ZYG11A: variants seen among roughly 807,000 people sequenced by gnomAD.
ZYG11A encodes the protein zyg-11 family member A, cell cycle regulator.
ZYG11A carries 62 observed loss-of-function variants against 77.2 expected under a neutral mutation model. The ratio of observed to expected loss-of-function variants is 0.80; its 90% CI spans 0.65 to 0.99. ZYG11A has a LOEUF of 0.99. Ranked by LOEUF, ZYG11A falls within the 50% of genes least tolerant of loss-of-function variation. The probability of loss-of-function intolerance (pLI) is 0.00; values close to 1 mark genes in which losing one functional copy is unlikely to be tolerated. For missense variants in ZYG11A, 828 were observed against 896.8 expected, an observed-to-expected ratio of 0.92 and a Z score of 0.98; for synonymous variants, 315 against 324.6, an observed-to-expected ratio of 0.97 and a Z score of 0.32.
intron 13 of ZYG11A, among the ~76,000 whole-genome samples, chr1:52,889,437 A>AT (rs1368439369): frequency 6.6e-6 from 1 of 151,004 alleles, no homozygotes; most frequent in Non-Finnish European, 1.5e-5. Context: ...TTTCTTTTAA[A>AT]TTAAAAAAAA....
chr1:52,886,233 A>G (rs571631783), intron 12 of ZYG11A, among the ~76,000 whole-genome samples: 66 of 152,060 alleles, frequency 4.3e-4, no homozygotes, highest in Non-Finnish European at 8.2e-4. Flanking sequence ...TGCCTGGCCC[A>G]GTGTTGAGCT....
intron 13 of ZYG11A, among the ~76,000 whole-genome samples, chr1:52,890,886 G>A (rs543760460): frequency 6.6e-6 from 1 of 151,660 alleles, no homozygotes; most frequent in African/African-American, 2.4e-5. Flanking sequence ...TCTTTAACTG[G>A]GTCTAAATCT....
chr1:52,859,396 C>T (rs1257272554), intron 3 of ZYG11A, among the ~76,000 whole-genome samples: 1 of 150,828 alleles, frequency 6.6e-6, no homozygotes, highest in Non-Finnish European at 1.5e-5. Flanking sequence ...AGTGCAGTGA[C>T]ACGATCTCTG....
intron 1 of ZYG11A, 118 bp downstream of exon 1, chr1:52,843,091 G>T: frequency 3.5e-6 from 3 of 866,388 alleles, no homozygotes; most frequent in South Asian, 4.8e-5. Flanking sequence ...GCCCGCGCGG[G>T]GCTGCGGTCT....
intron 1 of ZYG11A, among the ~76,000 whole-genome samples, chr1:52,849,457 C>T (rs57097595): frequency 0.027 from 4,024 of 150,108 alleles, 140 homozygotes; most frequent in East Asian, 0.18. Context: ...TCCTGCCTCC[C>T]GGGCTCAAGG....
intron 10 of ZYG11A, among the ~76,000 whole-genome samples, chr1:52,879,133 A>G (rs1646317928): frequency 6.6e-6 from 1 of 152,152 alleles, no homozygotes; most frequent in Non-Finnish European, 1.5e-5. Context: ...CAATTGAGAA[A>G]TTTCTTCATT....
intron 11 of ZYG11A, among the ~76,000 whole-genome samples, chr1:52,882,131 G>A (rs1002140576): frequency 8.5e-5 from 13 of 152,148 alleles, no homozygotes; most frequent in Non-Finnish European, 1.3e-4. Flanking sequence ...GAGCTTAAGC[G>A]ATCTGCCTAC....
chr1:52,844,164 G>A (rs1469426453), intron 1 of ZYG11A, among the ~76,000 whole-genome samples: 1 of 152,174 alleles, frequency 6.6e-6, no homozygotes, highest in Non-Finnish European at 1.5e-5. Context: ...CCCGCCAAGG[G>A]CCACCCTTGG....
intron 8 of ZYG11A, among the ~76,000 whole-genome samples, chr1:52,873,684 C>A (rs1646209794): frequency 6.6e-6 from 1 of 152,016 alleles, no homozygotes; most frequent in Non-Finnish European, 1.5e-5. Flanking sequence ...GGATTGACTC[C>A]AAATTTGAAA....
At chr1:52,888,080 A>G (rs979975736) in intron 13 of ZYG11A, among the ~76,000 whole-genome samples, 8 of 152,240 alleles carry the variant, frequency 5.3e-5, no homozygotes, top group Admixed American at 3.9e-4. Context: ...AAGGGAAAAT[A>G]TACCACCACT....
At chr1:52,876,139 G>C (rs567160546) in intron 8 of ZYG11A, among the ~76,000 whole-genome samples, 1 of 152,340 alleles carries the variant, frequency 6.6e-6, no homozygotes, top group East Asian at 1.9e-4. Context: ...AGTTTGAGGA[G>C]AGAGAATTAG....
intron 8 of ZYG11A, among the ~76,000 whole-genome samples, chr1:52,874,536 G>GCTA: frequency 6.6e-6 from 1 of 152,110 alleles, no homozygotes; most frequent in East Asian, 1.9e-4. Context: ...ATAGGCGTGA[G>GCTA]CTACTGTGCC....
At chr1:52,848,215 T>A (rs1479661688) in intron 1 of ZYG11A, among the ~76,000 whole-genome samples, 15 of 151,878 alleles carry the variant, frequency 9.9e-5, no homozygotes, top group Non-Finnish European at 1.0e-4. Flanking sequence ...GTTGGCCAGG[T>A]GGGTCTTAAA....
At chr1:52,846,600 C>G (rs911551131) in intron 1 of ZYG11A, among the ~76,000 whole-genome samples, 8 of 151,560 alleles carry the variant, frequency 5.3e-5, no homozygotes, top group Admixed American at 4.6e-4. Context: ...CCTGGCCTCC[C>G]AAAGTACTAG....
intron 13 of ZYG11A, 124 bp from the exon 14 acceptor site, chr1:52,892,658 T>G (rs1345910137): frequency 1.2e-6 from 1 of 803,364 alleles, no homozygotes; most frequent in Admixed American, 2.8e-5. Flanking sequence ...TCATTTTATC[T>G]GTTAATTCCT....
At chr1:52,890,527 C>T (rs1168847810) in intron 13 of ZYG11A, among the ~76,000 whole-genome samples, 1 of 151,746 alleles carries the variant, frequency 6.6e-6, no homozygotes, top group African/African-American at 2.4e-5. Flanking sequence ...AGCCACGACA[C>T]CTGGCCATTT....
At chr1:52,850,775 G>A (rs1163937676) in intron 1 of ZYG11A, among the ~76,000 whole-genome samples, 1 of 152,074 alleles carries the variant, frequency 6.6e-6, no homozygotes, top group Non-Finnish European at 1.5e-5. Context: ...TTCAACTCTA[G>A]ACGTTTCCTT....
chr1:52,862,382 G>A (rs1333191758), intron 4 of ZYG11A, among the ~76,000 whole-genome samples: 11 of 142,060 alleles, frequency 7.7e-5, no homozygotes, highest in Non-Finnish European at 1.5e-4. Context: ...CTTGATCTCC[G>A]CTCACTGCAG....
rs1281978838 is a variant in ZYG11A, at chr1:52,857,550, A to C, written c.809A>C (p.Lys270Thr). Residue 270 changes from lysine (K) to threonine (T), a missense_variant, in exon 3 of 14, where the codon AAA (lysine) becomes ACA (threonine). Coordinates refer to ENST00000371528, the MANE Select transcript of ZYG11A (RefSeq NM_001004339.3). The stretch of plus-strand genomic sequence containing the variant: ...GATATTTCTGATCACAGGCAACTCA[A>C]ATCAGACCTAGCTTTTCATTTGCTA... ...HLDISDHRQL[K>T]SDLAFHLLQQ... 1.0e-5 allele frequency: 16 copies of C among 1,551,952 alleles called. No homozygotes were observed. In the Admixed American group the frequency reaches 2.7e-4, roughly 27 times the overall value.
Sources: allele counts gnomAD v4.1 joint callset (sites outside exome capture counted in the v4.1 genomes callset), GRCh38; gene constraint gnomAD v4.1.1; transcripts MANE v1.5; gene names NCBI Gene and HGNC (gene_info 2026-07-23, HGNC 2026-07-21).